KCTD16: variants seen among roughly 807,000 people sequenced by gnomAD.
KCTD16 encodes BTB/POZ domain-containing protein KCTD16.
A neutral mutation model predicts 33.2 loss-of-function variants in KCTD16; 13 were observed. That is an observed-to-expected ratio of 0.39 (90% confidence interval 0.25 to 0.62). The LOEUF (loss-of-function observed/expected upper bound fraction) is 0.62. KCTD16 is among the 20% of genes least tolerant of loss of function. The pLI is 0.50. For missense variants in KCTD16, 441 were observed against 525.1 expected, an observed-to-expected ratio of 0.84 and a Z score of 1.57; for synonymous variants, 197 against 195.3, an observed-to-expected ratio of 1.01 and a Z score of -0.07.
Position 144,360,094 on chromosome 5 carries a change from C to CT in KCTD16, c.833-113557dup, listed in dbSNP as rs200068408. On this transcript the variant is annotated intron_variant, in intron 3 of 3. Coordinates refer to ENST00000512467, the MANE Select transcript of KCTD16 (RefSeq NM_020768.4). Reference sequence around the variant, plus strand: ...ACAGATAAAAAGCGTGACCATCATTCTTTTTTTTTAAATTATACTTTAAGT... The same window carrying CT: ...ACAGATAAAAAGCGTGACCATCATTCTTTTTTTTTTAAATTATACTTTAAGT... Among the ~76,000 whole-genome samples the CT allele has an allele frequency of 7.1e-4, 107 of 151,598 alleles. 1 individual carries two copies. The highest frequency in any genetic ancestry group is 2.5e-3 in the African/African-American group (103 of 41,318).
chr5:144,309,175 C>T (rs1751690663), intron 3 of KCTD16, among the ~76,000 whole-genome samples: 1 of 152,194 alleles, frequency 6.6e-6, no homozygotes, highest in Admixed American at 6.5e-5. Context: ...TAGACAGAAT[C>T]AGTACTTTCT....
At chr5:144,258,347 ATAGAG>A (rs918837544) in intron 3 of KCTD16, among the ~76,000 whole-genome samples, 74 of 152,136 alleles carry the variant, frequency 4.9e-4, no homozygotes, top group Admixed American at 4.2e-3. Flanking sequence ...ATAGTATAAT[ATAGAG>A]TACAGTTATC....
intron 3 of KCTD16, among the ~76,000 whole-genome samples, chr5:144,411,753 T>C (rs1594053): frequency 0.78 from 118,906 of 152,082 alleles, 47,126 homozygotes; most frequent in African/African-American, 0.91. Flanking sequence ...AGACAATCCA[T>C]GTAATGGGAA....
At chr5:144,360,953 T>C (rs906578154) in intron 3 of KCTD16, among the ~76,000 whole-genome samples, 1 of 151,944 alleles carries the variant, frequency 6.6e-6, no homozygotes, top group African/African-American at 2.4e-5. Context: ...GTGCACAATG[T>C]GCAGGTTAGT....
At chr5:144,394,251 T>C (rs1752515885) in intron 3 of KCTD16, among the ~76,000 whole-genome samples, 1 of 152,216 alleles carries the variant, frequency 6.6e-6, no homozygotes, top group Admixed American at 6.5e-5. Flanking sequence ...AATATGTCAG[T>C]AAACTCTTTT....
intron 3 of KCTD16, among the ~76,000 whole-genome samples, chr5:144,380,127 A>G (rs1420625079): frequency 6.6e-6 from 1 of 152,168 alleles, no homozygotes; most frequent in African/African-American, 2.4e-5. Context: ...TAAATGATAA[A>G]TAACTTTGGT....
At chr5:144,439,337 G>T in intron 3 of KCTD16, 1 of 500,772 alleles carries the variant, frequency 2.0e-6, no homozygotes, top group Non-Finnish European at 3.9e-6. Context: ...AGGAATCTTG[G>T]AGTTCAGCAG....
chr5:144,332,939 G>A (rs550568897), intron 3 of KCTD16, among the ~76,000 whole-genome samples: 1 of 152,168 alleles, frequency 6.6e-6, no homozygotes, highest in Non-Finnish European at 1.5e-5. Context: ...GCAAGAATAT[G>A]TGTGCAGGGG....
chr5:144,312,820 A>G (rs1751801028), intron 3 of KCTD16, among the ~76,000 whole-genome samples: 1 of 152,102 alleles, frequency 6.6e-6, no homozygotes, highest in African/African-American at 2.4e-5. Flanking sequence ...TGGTGTTGAA[A>G]CTCCCTGTAA....
At chr5:144,173,410 TA>T (rs200688081) in intron 1 of KCTD16, among the ~76,000 whole-genome samples, 1 of 152,156 alleles carries the variant, frequency 6.6e-6, no homozygotes, top group East Asian at 1.9e-4. Context: ...ATATTCTCCT[TA>T]TAAGTATGAG....
At chr5:144,285,611 TG>T (rs946904104) in intron 3 of KCTD16, among the ~76,000 whole-genome samples, 2 of 152,334 alleles carry the variant, frequency 1.3e-5, no homozygotes, top group East Asian at 1.9e-4. Context: ...GGTCTTTCAC[TG>T]GGGTCTATGT....
At chr5:144,257,383 C>T (rs1188729023) in intron 3 of KCTD16, among the ~76,000 whole-genome samples, 1 of 152,172 alleles carries the variant, frequency 6.6e-6, no homozygotes, top group Non-Finnish European at 1.5e-5. Context: ...GCTACTGAAC[C>T]ACTAAGAATG....
intron 3 of KCTD16, among the ~76,000 whole-genome samples, chr5:144,418,106 G>C (rs1753117396): frequency 6.6e-6 from 1 of 152,114 alleles, no homozygotes; most frequent in African/African-American, 2.4e-5. Context: ...CGTTCCTCCT[G>C]GTGGGTTGGT....
chr5:144,418,297 G>A (rs951074685), intron 3 of KCTD16, among the ~76,000 whole-genome samples: 1 of 152,136 alleles, frequency 6.6e-6, no homozygotes, highest in African/African-American at 2.4e-5. Flanking sequence ...CGGGGATTCT[G>A]GTGGCCTGCT....
intron 3 of KCTD16, among the ~76,000 whole-genome samples, chr5:144,408,205 TTC>T (rs1415112659): frequency 6.6e-6 from 1 of 152,226 alleles, no homozygotes; most frequent in Non-Finnish European, 1.5e-5. Flanking sequence ...ATTGTTGCTC[TTC>T]TGCACATTGT....
At chr5:144,454,280 T>C (rs1754012687) in intron 3 of KCTD16, among the ~76,000 whole-genome samples, 1 of 152,210 alleles carries the variant, frequency 6.6e-6, no homozygotes, top group Non-Finnish European at 1.5e-5. Context: ...ATATCTCTCA[T>C]AAAACCAGAG....
intron 3 of KCTD16, among the ~76,000 whole-genome samples, chr5:144,424,084 G>A (rs925977172): frequency 6.6e-6 from 1 of 152,098 alleles, no homozygotes; most frequent in Non-Finnish European, 1.5e-5. Context: ...GGCAGAGTTG[G>A]GACCGGCAAC....
At chr5:144,373,256 G>A (rs1309500875) in intron 3 of KCTD16, among the ~76,000 whole-genome samples, 1 of 152,108 alleles carries the variant, frequency 6.6e-6, no homozygotes, top group African/African-American at 2.4e-5. Context: ...TTTCTCCCAT[G>A]AAATAGACTG....
At chr5:144,454,227 T>G (rs1754011439) in intron 3 of KCTD16, among the ~76,000 whole-genome samples, 1 of 152,180 alleles carries the variant, frequency 6.6e-6, no homozygotes, top group Non-Finnish European at 1.5e-5. Context: ...CCAATCAGTC[T>G]TTAGCTGTTT....
Sources: gnomAD v4.1 joint callset for allele counts (sites outside exome capture counted in the v4.1 genomes callset) on GRCh38, gnomAD v4.1.1 for gene constraint, MANE v1.5 for transcripts, NCBI Gene and HGNC (gene_info 2026-07-23, HGNC 2026-07-21) for gene names.